NDRG4: variants seen among roughly 807,000 people sequenced by gnomAD.
NDRG4 encodes protein NDRG4.
In NDRG4, 38 loss-of-function variants were observed where a neutral mutation model predicts 55.8. The ratio of observed to expected loss-of-function variants is 0.68; its 90% CI spans 0.53 to 0.89. NDRG4 has a LOEUF of 0.89. Among genes scored for constraint, NDRG4 ranks in the 40% least tolerant of loss-of-function variants. NDRG4 has a pLI of 0.00. For synonymous variants in NDRG4, 190 were observed against 182.7 expected, an observed-to-expected ratio of 1.04 and a Z score of -0.32; for missense variants, 455 against 468.6, an observed-to-expected ratio of 0.97 and a Z score of 0.27.
At chr16:58,490,440 C>T (rs1056842740) in intron 2 of NDRG4, among the ~76,000 whole-genome samples, 1 of 152,128 alleles carries the variant, frequency 6.6e-6, no homozygotes, top group Non-Finnish European at 1.5e-5. Flanking sequence ...CCTCACTGCC[C>T]CTCCCTCCCT....
At chr16:58,511,283 C>A (rs1377178960) in intron 14 of NDRG4, 139 bp from the exon 15 acceptor site, 3 of 1,001,338 alleles carry the variant, frequency 3.0e-6, no homozygotes, top group Non-Finnish European at 4.4e-6. Flanking sequence ...ACAGCTGTCG[C>A]CAGCCTCCTG....
Position 58,504,427 on chromosome 16 carries a change from T to C in NDRG4, c.311+6T>C. ...AGCGTGGTGCAGCATTTCGGGTGAG[T>C]CCCCGCACAGCCCCTGCGCTAGGGC... On this transcript the variant is annotated splice_donor_region_variant and intron_variant, in intron 4 of 14. Transcript: ENST00000570248. 1 of 1,611,952 alleles carries C rather than the reference T, an allele frequency of 6.2e-7. No individual in the cohort carries two copies. The highest frequency in any genetic ancestry group is 8.5e-7 in the Non-Finnish European group (1 of 1,179,944).
intron 2 of NDRG4, among the ~76,000 whole-genome samples, chr16:58,492,549 T>TGA (rs1350283332): frequency 1.5e-4 from 11 of 73,842 alleles, no homozygotes; most frequent in African/African-American, 4.6e-4. Flanking sequence ...TGTGTGTGTG[T>TGA]GTGAGAGACA....
At position 58,504,363 on chromosome 16, in the gene NDRG4, C is replaced by G; in HGVS notation, c.253C>G (p.Gln85Glu). ...VGASQFPQGY[Q>E]FPSMEQLAAM... The stretch of plus-strand genomic sequence containing the variant: ...GACCTCCTGCTCTGCCTGCAGGTAC[C>G]AGTTCCCCTCCATGGAGCAGCTGGC... The change falls in exon 4 of 15, where the codon CAG becomes GAG. Residue 85 changes from glutamine to glutamate, a missense_variant. By Grantham distance (29) the Gln-to-Glu change is conservative. Transcript: ENST00000570248. The G allele has an allele frequency of 6.2e-7, 1 of 1,613,582 alleles. No homozygotes were observed. The highest frequency in any genetic ancestry group is 1.1e-5 in the South Asian group (1 of 91,086).
intron 1 of NDRG4, among the ~76,000 whole-genome samples, chr16:58,468,840 G>A (rs568911008): frequency 6.6e-6 from 1 of 152,174 alleles, no homozygotes; most frequent in South Asian, 2.1e-4. Context: ...GTAGCCGGAT[G>A]ATTTTTTTAT....
Position 58,510,650 on chromosome 16 carries a change from T to C in NDRG4, c.871T>C (p.Tyr291His). Residue 291 changes from tyrosine (Y) to histidine (H), a missense_variant, in exon 14 of 15, where the codon TAC becomes CAC. Tyr to His is a moderately conservative substitution (Grantham distance 83). Transcript: ENST00000570248. Reference sequence around the variant, plus strand: ...GGCTCTGTCTTCTCTCTTAGTTGCGTACTTGAAGGACCGAAGGCTGAGTGG... The same window carrying C: ...GGCTCTGTCTTCTCTCTTAGTTGCGCACTTGAAGGACCGAAGGCTGAGTGG... ...YFLQGMGYIA[Y>H]LKDRRLSGGA... 1 of 1,536,008 alleles carries C rather than the reference T, an allele frequency of 6.5e-7. No individual in the cohort carries two copies. Among genetic ancestry groups the C allele is most frequent in the Non-Finnish European group, 8.7e-7 (1 of 1,146,864 alleles).
downstream of NDRG4, among the ~76,000 whole-genome samples, chr16:58,514,920 C>A (rs2039068760): frequency 6.6e-6 from 1 of 152,094 alleles, no homozygotes; most frequent in South Asian, 2.1e-4. Flanking sequence ...TTTATTTACC[C>A]AATAGGTAGA....
At chr16:58,504,301 G>GTC in intron 3 of NDRG4, 27 bp downstream of exon 3, 1 of 1,614,022 alleles carries the variant, frequency 6.2e-7, no homozygotes, top group Non-Finnish European at 8.5e-7. Flanking sequence ...CCCTCTGCCT[G>GTC]TCTCCAGCTC....
intron 1 of NDRG4, among the ~76,000 whole-genome samples, chr16:58,478,697 G>GTTTTTT (rs59525801): frequency 2.2e-5 from 3 of 137,748 alleles, no homozygotes; most frequent in East Asian, 2.1e-4. Context: ...TTTGTTTTTT[G>GTTTTTT]TTTTTTTTTT....
intron 2 of NDRG4, among the ~76,000 whole-genome samples, chr16:58,491,012 C>T (rs888746626): frequency 6.6e-6 from 1 of 151,606 alleles, no homozygotes; most frequent in African/African-American, 2.4e-5. Context: ...CATGGTGGCT[C>T]ACACCTATAA....
Position 58,504,242 on chromosome 16 carries a change from A to T in NDRG4, c.216A>T (p.Gly72=). The T allele has an allele frequency of 1.2e-6, 2 of 1,614,142 alleles. No homozygotes were observed. ...TGGTGTGTCACGTGGATGCCCCTGG[A>T]CAACAGGTGGGGGCGTCGCAGTTTC... ...HFVVCHVDAP[G]QQVGASQFPQ... Residue 72 remains glycine (G), a synonymous_variant, in exon 3 of 15, where the codon GGA becomes GGT. Transcript: ENST00000570248.
At chr16:58,470,006 C>T (rs1017797531) in intron 1 of NDRG4, among the ~76,000 whole-genome samples, 1 of 152,196 alleles carries the variant, frequency 6.6e-6, no homozygotes, top group Admixed American at 6.5e-5. Flanking sequence ...GTGTTAGAAA[C>T]ATTTTCTTTC....
At chr16:58,478,374 A>G (rs2033963788) in intron 1 of NDRG4, among the ~76,000 whole-genome samples, 1 of 140,504 alleles carries the variant, frequency 7.1e-6, no homozygotes, top group African/African-American at 2.5e-5. Flanking sequence ...GGGCGACAAT[A>G]TGAGACTCCA....
chr16:58,506,781 C>A, intron 7 of NDRG4, 131 bp from the exon 8 acceptor site: 2 of 1,154,868 alleles, frequency 1.7e-6, no homozygotes, highest in Non-Finnish European at 2.5e-6. Context: ...CTCCTACCTG[C>A]CCCCACCCTG....
At position 58,482,259 on chromosome 16, in the gene NDRG4, G is replaced by A. The variant is rs114149818; in HGVS notation, c.-23-5497G>A. Among the ~76,000 whole-genome samples the A allele has an allele frequency of 1.9e-3, 291 of 152,244 alleles. 2 individuals are homozygous for A. Among genetic ancestry groups the A allele is most frequent in the Middle Eastern group, 6.8e-3 (2 of 294 alleles). ...TGGCATACTCAAGGCAGTGTGGACC[G>A]GACCTTGACCCTGACCTGTGGGTCC... On this transcript the variant is annotated intron_variant, in intron 1 of 15. Coordinates refer to the NDRG4 transcript ENST00000258187.
In NDRG4 at chr16:58,508,068, G is replaced by C. The variant is rs569293981; in HGVS notation, c.729+69G>C. On this transcript the variant is annotated intron_variant, in intron 10 of 14. Transcript: ENST00000570248. Reference sequence around the variant, plus strand: ...TGAGGGGCTCACTGGCCCCTGCCCAGCAGGGACAATTCTTGATCCAGCCCA... The same window carrying C: ...TGAGGGGCTCACTGGCCCCTGCCCACCAGGGACAATTCTTGATCCAGCCCA... 1.8e-5 allele frequency: 26 copies of C among 1,410,738 alleles called. No individual in the cohort carries two copies. In the East Asian group the frequency reaches 6.1e-4, roughly 33 times the overall value. The allele number at this position is 1,410,738 out of a possible 1,614,324, so 87.4% of individuals were successfully genotyped here. A position where few individuals can be genotyped will look rare whatever the true frequency, so the allele number is the denominator to read the frequency against.
intron 2 of NDRG4, among the ~76,000 whole-genome samples, chr16:58,489,074 A>G (rs1360629653): frequency 3.5e-4 from 54 of 152,124 alleles, no homozygotes; most frequent in Middle Eastern, 3.4e-3. Flanking sequence ...CGAGGTGGGC[A>G]GATCACCTGA....
chr16:58,472,044 T>C (rs2032917605), intron 1 of NDRG4: 1 of 152,256 alleles, frequency 6.6e-6, no homozygotes, highest in Non-Finnish European at 1.5e-5. Context: ...CACTTGGTGT[T>C]CTGGAGGATA....
rs184288349 is a variant in NDRG4 at position 58,506,818 on chromosome 16, G to A, written c.517-94G>A. The A allele has an allele frequency of 2.1e-3, 2,707 of 1,315,114 alleles. 5 individuals are homozygous for A. Among genetic ancestry groups the A allele is most frequent in the Non-Finnish European group, 2.6e-3 (2,455 of 930,706 alleles). The allele number at this position is 1,315,114 out of a possible 1,614,324, so 81.5% of individuals were successfully genotyped here. On this transcript the variant is annotated intron_variant, in intron 7 of 14. Transcript: ENST00000570248. ...CTCCCCTGCCTGCTGAGTGGGGCAA[G>A]GGCCACTCTGGCAGTGACATCTGCC...
Sources: gnomAD v4.1 joint callset for allele counts (sites outside exome capture counted in the v4.1 genomes callset) on GRCh38, gnomAD v4.1.1 for gene constraint, MANE v1.5 for transcripts, NCBI Gene and HGNC (gene_info 2026-07-23, HGNC 2026-07-21) for gene names.